ATP6V1H: variants seen among roughly 807,000 people sequenced by gnomAD.
ATP6V1H encodes the protein ATPase H+ transporting V1 subunit H.
Under a neutral mutation model 71.7 loss-of-function variants are expected in ATP6V1H, and 39 were observed. The observed-to-expected ratio is 0.54, with a 90% CI of 0.42 to 0.71. ATP6V1H has a LOEUF of 0.71. ATP6V1H is among the 30% of genes least tolerant of loss of function. The pLI, the probability that ATP6V1H is intolerant of heterozygous loss-of-function variation, is 0.00. For missense variants in ATP6V1H, 509 were observed against 594.9 expected (o/e 0.86, Z 1.50); for synonymous variants, 192 against 199.3 (o/e 0.96, Z 0.31).
Position 53,820,843 on chromosome 8 carries a change from G to A in ATP6V1H, c.307-3313C>T, listed in dbSNP as rs138686104. Reference sequence around the variant, plus strand: ...CTAAAAAAACAAAAATTAGCCAGGCGTGGTAGCACACGCTTGTAATCCCAC... The same window carrying A: ...CTAAAAAAACAAAAATTAGCCAGGCATGGTAGCACACGCTTGTAATCCCAC... On this transcript the variant is annotated intron_variant, in intron 4 of 13. Transcript: ENST00000359530. Among the ~76,000 whole-genome samples the A allele has an allele frequency of 2.6e-3, 388 of 151,766 alleles. 1 individual carries two copies. Among genetic ancestry groups the A allele is most frequent in the African/African-American group, 8.8e-3 (364 of 41,426 alleles).
At chr8:53,833,631 C>T (rs1355094271) in intron 2 of ATP6V1H, among the ~76,000 whole-genome samples, 1 of 152,068 alleles carries the variant, frequency 6.6e-6, no homozygotes, top group Non-Finnish European at 1.5e-5. Context: ...CTCCTATTTT[C>T]CTCCATCTCT....
intron 9 of ATP6V1H, among the ~76,000 whole-genome samples, chr8:53,787,003 A>G (rs72655184): frequency 0.042 from 6,394 of 152,344 alleles, 189 homozygotes; most frequent in Non-Finnish European, 0.067. Flanking sequence ...GACATGTAAA[A>G]TACAAGTTCA....
At chr8:53,762,631 G>C (rs1046114444) in intron 11 of ATP6V1H, among the ~76,000 whole-genome samples, 11 of 152,090 alleles carry the variant, frequency 7.2e-5, no homozygotes, top group Non-Finnish European at 1.6e-4. Flanking sequence ...TAAACAAATA[G>C]ATGATGGAAT....
chr8:53,837,119 C>T (rs572806480), intron 2 of ATP6V1H, among the ~76,000 whole-genome samples: 3 of 149,808 alleles, frequency 2.0e-5, no homozygotes, highest in South Asian at 2.1e-4. Flanking sequence ...CCAGCCTGGG[C>T]GACAAGAGTG....
chr8:53,818,785 G>T (rs1447148139), intron 4 of ATP6V1H, among the ~76,000 whole-genome samples: 1 of 152,066 alleles, frequency 6.6e-6, no homozygotes, highest in African/African-American at 2.4e-5. Flanking sequence ...TTGTTCAGAA[G>T]TGATAAGGAT....
At chr8:53,796,063 A>G (rs1348281673) in intron 8 of ATP6V1H, among the ~76,000 whole-genome samples, 1 of 152,172 alleles carries the variant, frequency 6.6e-6, no homozygotes, top group Non-Finnish European at 1.5e-5. Context: ...AGGAAGCAGG[A>G]GCTCCTGCTG....
chr8:53,831,622 A>C (rs1421762586), intron 3 of ATP6V1H, among the ~76,000 whole-genome samples: 1 of 152,226 alleles, frequency 6.6e-6, no homozygotes, highest in Non-Finnish European at 1.5e-5. Context: ...GGGGTGCTGG[A>C]GCAGGGGCAT....
intron 12 of ATP6V1H, among the ~76,000 whole-genome samples, chr8:53,746,533 G>C (rs918467296): frequency 6.6e-6 from 1 of 152,034 alleles, no homozygotes; most frequent in African/African-American, 2.4e-5. Context: ...CCAAAGTGCT[G>C]GGATTACAGG....
At chr8:53,751,815 T>A (rs1366300169) in intron 12 of ATP6V1H, among the ~76,000 whole-genome samples, 1 of 151,870 alleles carries the variant, frequency 6.6e-6, no homozygotes, top group Admixed American at 6.6e-5. Context: ...GACTACAGGC[T>A]CATGCCACCA....
intron 9 of ATP6V1H, among the ~76,000 whole-genome samples, chr8:53,776,748 A>G (rs886987050): frequency 2.0e-5 from 3 of 152,210 alleles, no homozygotes; most frequent in Admixed American, 6.5e-5. Flanking sequence ...CCTGAGATGA[A>G]TTAGATGTTG....
intron 5 of ATP6V1H, among the ~76,000 whole-genome samples, chr8:53,816,487 AC>A (rs950667825): frequency 5.3e-5 from 8 of 152,166 alleles, no homozygotes; most frequent in African/African-American, 1.7e-4. Context: ...GGGCTTCCAA[AC>A]ATAGCCTAAG....
chr8:53,742,372 G>A (rs557520418), intron 13 of ATP6V1H, among the ~76,000 whole-genome samples: 5 of 152,264 alleles, frequency 3.3e-5, no homozygotes, highest in South Asian at 2.1e-4. Context: ...AGCCAAGTTC[G>A]TTACTACTTC....
chr8:53,805,100 G>A (rs1483990548), intron 7 of ATP6V1H, among the ~76,000 whole-genome samples: 1 of 152,162 alleles, frequency 6.6e-6, no homozygotes, highest in African/African-American at 2.4e-5. Flanking sequence ...TAAAACTAAT[G>A]TTATAAAAAT....
intron 11 of ATP6V1H, among the ~76,000 whole-genome samples, chr8:53,765,454 AACACACACACACACACACAC>A (rs59822523): frequency 5.1e-4 from 38 of 74,126 alleles, no homozygotes; most frequent in African/African-American, 1.4e-3. Context: ...CAACAACAAC[AACACACACACACACACACAC>A]ACACACACAC....
chr8:53,753,906 G>A (rs995950446), intron 12 of ATP6V1H, among the ~76,000 whole-genome samples: 4 of 152,188 alleles, frequency 2.6e-5, no homozygotes, highest in East Asian at 1.9e-4. Context: ...CATGGATCCC[G>A]GTAGAACACA....
intron 13 of ATP6V1H, among the ~76,000 whole-genome samples, chr8:53,723,238 G>A (rs1806685591): frequency 1.3e-5 from 2 of 152,086 alleles, no homozygotes; most frequent in South Asian, 4.1e-4. Context: ...GATAAACCTG[G>A]GAAGTTGTTG....
intron 13 of ATP6V1H, among the ~76,000 whole-genome samples, chr8:53,735,111 C>T (rs1205568782): frequency 2.0e-5 from 3 of 152,194 alleles, no homozygotes; most frequent in East Asian, 1.9e-4. Flanking sequence ...CCGTTCTGCC[C>T]GGCATACTAG....
rs746394468 is a variant in ATP6V1H, at chr8:53,743,652, T to C, written c.1316A>G (p.Asn439Ser). ...EQLGGKQLVM[N>S]HMHHEDQQVR... ...CTGCTGGTCTTCATGATGCATGTGG[T>C]TCATGACCAGCTGCTTCCCACCGAG... The change falls in exon 13 of 14, where the codon AAC (asparagine) becomes AGC (serine). Residue 439 changes from asparagine to serine, a missense_variant. By Grantham distance (46) the Asn-to-Ser change is conservative. Around this residue, in one of 2 missense-constraint regions of ATP6V1H, gnomAD observed 212 missense variants for 291.6 expected, o/e 0.73. Coordinates refer to ENST00000359530, the MANE Select transcript of ATP6V1H (RefSeq NM_015941.4). 1.2e-6 allele frequency: 2 copies of C among 1,613,256 alleles called. No homozygotes were observed. Among genetic ancestry groups the C allele is most frequent in the East Asian group, 4.5e-5 (2 of 44,882 alleles).
At chr8:53,790,590 C>T (rs759485568) in intron 9 of ATP6V1H, among the ~76,000 whole-genome samples, 3 of 152,152 alleles carry the variant, frequency 2.0e-5, no homozygotes, top group Non-Finnish European at 4.4e-5. Context: ...AACTAAAGCA[C>T]GGAGAGGCTA....
Sources: allele counts gnomAD v4.1 joint callset (sites outside exome capture counted in the v4.1 genomes callset), GRCh38; gene constraint gnomAD v4.1.1; regional missense constraint gnomAD v4.1.1; transcripts MANE v1.5; gene names NCBI Gene and HGNC (gene_info 2026-07-23, HGNC 2026-07-21).